The following USP53 variants were observed in gnomAD, a reference collection of about 807,000 sequenced individuals.
USP53 encodes the protein ubiquitin carboxyl-terminal hydrolase 53.
In USP53, 71 loss-of-function variants were observed where a neutral mutation model predicts 94.9. The observed-to-expected ratio is 0.75, with a 90% confidence interval of 0.62 to 0.91. USP53 has a LOEUF of 0.91. Among genes scored for constraint, USP53 ranks in the 40% least tolerant of loss-of-function variants. The probability of loss-of-function intolerance (pLI) is 0.00; values close to 1 mark genes in which losing one functional copy is unlikely to be tolerated. For synonymous variants in USP53, 375 were observed against 422.7 expected, an observed-to-expected ratio of 0.89 and a Z score of 1.39; for missense variants, 1,173 against 1,281.0, an observed-to-expected ratio of 0.92 and a Z score of 1.29.
chr4:119,236,945 A>G (rs1234874240), intron 4 of USP53, among the ~76,000 whole-genome samples: 2 of 152,170 alleles, frequency 1.3e-5, no homozygotes, highest in Non-Finnish European at 2.9e-5. Context: ...CATCAGAGGA[A>G]TCTCTTTCTG....
intron 5 of USP53, among the ~76,000 whole-genome samples, chr4:119,244,296 C>T (rs894676521): frequency 3.3e-5 from 5 of 151,994 alleles, no homozygotes; most frequent in East Asian, 1.9e-4. Flanking sequence ...TAAAAGGCAA[C>T]GTTTAAAGAG....
At chr4:119,251,275 G>A (rs1457899607) in intron 7 of USP53, among the ~76,000 whole-genome samples, 1 of 152,140 alleles carries the variant, frequency 6.6e-6, no homozygotes, top group East Asian at 1.9e-4. Context: ...AGGTGTATAT[G>A]TGCCACATTT....
At chr4:119,214,706 T>C (rs1397611142) in intron 2 of USP53, among the ~76,000 whole-genome samples, 1 of 152,184 alleles carries the variant, frequency 6.6e-6, no homozygotes, top group South Asian at 2.1e-4. Flanking sequence ...TAGATGTTTA[T>C]TTTAAACTGT....
Position 119,292,756 on chromosome 4 carries a change from C to T in USP53, c.2767C>T (p.Pro923Ser). 3.7e-6 allele frequency: 6 copies of T among 1,614,000 alleles called. No individual in the cohort carries two copies. The highest frequency in any genetic ancestry group is 5.1e-6 in the Non-Finnish European group (6 of 1,179,946). The change falls in exon 19 of 19, where the codon CCT (proline) becomes TCT (serine). Residue 923 changes from proline to serine, a missense_variant. By Grantham distance (74) the Pro-to-Ser change is moderately conservative. Transcript: ENST00000692078. ...ACTTTTTTGCCAGAATCTACCACCC[C>T]CTTTGCCACCAAAGAAATATGCTAT... ...PKLFCQNLPP[P>S]LPPKKYAITS...
intron 2 of USP53, among the ~76,000 whole-genome samples, chr4:119,216,704 T>G (rs546527261): frequency 2.6e-5 from 4 of 152,182 alleles, no homozygotes; most frequent in African/African-American, 9.6e-5. Flanking sequence ...TTGCTTATGA[T>G]TTACTAAGAA....
At chr4:119,273,449 T>A (rs558365157) in intron 16 of USP53, 183 bp from the exon 17 acceptor site, 1 of 458,528 alleles carries the variant, frequency 2.2e-6, no homozygotes, top group South Asian at 5.7e-5. Flanking sequence ...TTAATTTGAC[T>A]TTTACAGTCT....
chr4:119,274,254 C>A (rs1170431821), intron 17 of USP53, among the ~76,000 whole-genome samples: 1 of 125,712 alleles, frequency 8.0e-6, no homozygotes, highest in South Asian at 2.9e-4. Context: ...CCCCTCCCCC[C>A]ACCCCACCGC....
At chr4:119,266,714 T>G (rs1409300928) in intron 12 of USP53, among the ~76,000 whole-genome samples, 3 of 149,632 alleles carry the variant, frequency 2.0e-5, no homozygotes, top group Non-Finnish European at 4.5e-5. Context: ...ATGTTGCTTA[T>G]TTTTTTTCAA....
chr4:119,284,642 A>T (rs1317570694), intron 17 of USP53, among the ~76,000 whole-genome samples: 1 of 151,858 alleles, frequency 6.6e-6, no homozygotes, highest in Non-Finnish European at 1.5e-5. Context: ...TGAATTTTGA[A>T]AATTTATTTC....
intron 10 of USP53, 66 bp downstream of exon 10, chr4:119,259,991 T>A: frequency 8.5e-7 from 1 of 1,178,474 alleles, no homozygotes; most frequent in East Asian, 2.5e-5. Flanking sequence ...GGCATTCAGA[T>A]ATTATCATGT....
chr4:119,277,988 G>A (rs1282623293), intron 17 of USP53, among the ~76,000 whole-genome samples: 1 of 139,060 alleles, frequency 7.2e-6, no homozygotes, highest in Admixed American at 7.4e-5. Flanking sequence ...TTGAGCCTAT[G>A]TGTGTCTCTG....
rs1376598406 is a variant in USP53, at chr4:119,227,256, T to TATACACACACACACACACACAC, written c.-664-8033_-664-8032insTACACACACACACACACACACA. 5.4e-3 allele frequency among the ~76,000 whole-genome samples: 681 copies of TATACACACACACACACACACAC among 125,104 alleles called. 9 individuals are homozygous for TATACACACACACACACACACAC. Among genetic ancestry groups the TATACACACACACACACACACAC allele is most frequent in the Middle Eastern group, 0.013 (3 of 238 alleles). The allele number at this position is 125,104 out of a possible 152,430, so 82.1% of individuals were successfully genotyped here. Reference sequence around the variant, plus strand: ...ATTAATCCAAAGCCTTGTCTAACACTACACACACACACACACACACACACA... The same window carrying TATACACACACACACACACACAC: ...ATTAATCCAAAGCCTTGTCTAACACTATACACACACACACACACACACACACACACACACACACACACACACA... On this transcript the variant is annotated intron_variant, in intron 3 of 18. Coordinates refer to ENST00000692078, the MANE Select transcript of USP53 (RefSeq NM_001371395.1).
At chr4:119,279,333 G>C (rs1272145342) in intron 17 of USP53, among the ~76,000 whole-genome samples, 1 of 148,234 alleles carries the variant, frequency 6.7e-6, no homozygotes, top group African/African-American at 2.5e-5. Flanking sequence ...AGGACCCTCA[G>C]CTGCATGTCT....
chr4:119,272,398 G>C (rs1751981006), intron 16 of USP53: 1 of 161,528 alleles, frequency 6.2e-6, no homozygotes, highest in African/African-American at 2.4e-5. Flanking sequence ...AAGTCATTAA[G>C]GTGGTTGTTT....
intron 16 of USP53, 104 bp downstream of exon 16, chr4:119,272,138 G>A: frequency 7.9e-7 from 1 of 1,262,892 alleles, no homozygotes; most frequent in Non-Finnish European, 1.1e-6. Context: ...AACAGAAACA[G>A]CATGAGCTGT....
upstream of USP53, chr4:119,212,685 G>C: frequency 2.9e-6 from 1 of 344,794 alleles, no homozygotes; most frequent in Non-Finnish European, 5.8e-6. Context: ...TCGGGCTCTG[G>C]GCGGCGGAGA....
chr4:119,290,285 CTG>C (rs1334211765), intron 17 of USP53, among the ~76,000 whole-genome samples: 1 of 152,050 alleles, frequency 6.6e-6, no homozygotes, highest in African/African-American at 2.4e-5. Context: ...AAAAGTCACA[CTG>C]TAAATTAGTA....
chr4:119,245,249 G>T, intron 5 of USP53, 88 bp from the exon 6 acceptor site: 1 of 1,260,922 alleles, frequency 7.9e-7, no homozygotes, highest in Admixed American at 1.8e-5. Flanking sequence ...TTCGCCTTTT[G>T]CAATTTGTAA....
At chr4:119,265,545 C>T (rs750087210) in intron 12 of USP53, among the ~76,000 whole-genome samples, 4 of 152,098 alleles carry the variant, frequency 2.6e-5, no homozygotes, top group Non-Finnish European at 4.4e-5. Flanking sequence ...GTGGCACATG[C>T]CTGTAATCCC....
Sources: allele counts gnomAD v4.1 joint callset (sites outside exome capture counted in the v4.1 genomes callset), GRCh38; gene constraint gnomAD v4.1.1; transcripts MANE v1.5; gene names NCBI Gene and HGNC (gene_info 2026-07-23, HGNC 2026-07-21).